TMEM156: variants seen among roughly 807,000 people sequenced by gnomAD.
The protein encoded by TMEM156 is transmembrane protein 156.
TMEM156 carries 28 observed loss-of-function variants against 30.5 expected under a neutral mutation model. The observed-to-expected ratio is 0.92, with a 90% confidence interval of 0.68 to 1.26. The LOEUF is 1.26. Among genes scored for constraint, TMEM156 ranks in the 50% most tolerant of loss-of-function variants. The pLI is 0.00. For missense variants in TMEM156, 351 were observed against 340.6 expected, an observed-to-expected ratio of 1.03 and a Z score of -0.24; for synonymous variants, 137 against 119.9, an observed-to-expected ratio of 1.14 and a Z score of -0.93.
At chr4:38,977,913 GCTT>G (rs1722950995) in intron 5 of TMEM156, among the ~76,000 whole-genome samples, 1 of 152,200 alleles carries the variant, frequency 6.6e-6, no homozygotes, top group Admixed American at 6.5e-5. Context: ...GCCCTCGGAT[GCTT>G]CTTCTTTTTC....
rs1416080510 is a variant in TMEM156 at position 38,993,689 on chromosome 4, T to C, written c.619+49A>G. On this transcript the variant is annotated intron_variant, in intron 3 of 6. Transcript: ENST00000381938. Reference sequence around the variant, plus strand: ...GTGATAGCCCTTACTTAATTTTACATATCTATATCGGATAACTCCTTTTCC... The same window carrying C: ...GTGATAGCCCTTACTTAATTTTACACATCTATATCGGATAACTCCTTTTCC... 2.0e-6 allele frequency: 3 copies of C among 1,536,416 alleles called. No homozygotes were observed. In the Admixed American group the frequency reaches 5.3e-5, roughly 27 times the overall value.
rs1375324637 is a variant in TMEM156 at position 39,032,285 on chromosome 4, A to G, written c.29T>C (p.Phe10Ser). Residue 10 changes from phenylalanine to serine, a missense_variant, in exon 1 of 7, where the codon TTT becomes TCT. By Grantham distance (155) the Phe-to-Ser change is radical. Coordinates refer to ENST00000381938, the MANE Select transcript of TMEM156 (RefSeq NM_024943.3). Reference protein sequence around the residue: MTKTALLKLFVAIVITFILI... With the variant: MTKTALLKLSVAIVITFILI... ...AATGAATGTGATCACTATTGCCACA[A>G]ATAATTTAAGGAGGGCTGTTTTTGT... 2 of 1,610,376 alleles carry G rather than the reference A, an allele frequency of 1.2e-6. No individual in the cohort carries two copies. The highest frequency in any genetic ancestry group is 1.1e-5 in the South Asian group (1 of 90,554).
intron 6 of TMEM156, among the ~76,000 whole-genome samples, chr4:38,969,436 C>T (rs1255409824): frequency 3.3e-5 from 5 of 152,098 alleles, no homozygotes; most frequent in African/African-American, 9.7e-5. Context: ...GCAAATATTT[C>T]ATTGTATATA....
intron 1 of TMEM156, among the ~76,000 whole-genome samples, chr4:39,005,992 T>G (rs1397572187): frequency 6.6e-6 from 1 of 152,016 alleles, no homozygotes; most frequent in Non-Finnish European, 1.5e-5. Flanking sequence ...GCCTCCCGGG[T>G]TCAAGCGATT....
At chr4:39,021,008 T>C (rs1382268698) in intron 1 of TMEM156, among the ~76,000 whole-genome samples, 1 of 152,234 alleles carries the variant, frequency 6.6e-6, no homozygotes, top group African/African-American at 2.4e-5. Context: ...TGTGAGATAA[T>C]ATTTCACTGT....
intron 1 of TMEM156, among the ~76,000 whole-genome samples, chr4:39,021,929 G>A (rs563198734): frequency 5.3e-5 from 8 of 152,086 alleles, no homozygotes; most frequent in South Asian, 2.1e-4. Flanking sequence ...TTCCAATATC[G>A]GAATTCTTTG....
rs143573449 is a variant in TMEM156 at position 39,021,213 on chromosome 4, G to A, written c.88+11013C>T. 1.6e-3 allele frequency among the ~76,000 whole-genome samples: 239 copies of A among 151,986 alleles called. 1 individual carries two copies. The highest frequency in any genetic ancestry group is 5.5e-3 in the African/African-American group (227 of 41,450). On this transcript the variant is annotated intron_variant, in intron 1 of 6. Coordinates refer to ENST00000381938, the MANE Select transcript of TMEM156 (RefSeq NM_024943.3). ...AGCCCAGGAGTTTGGGACCAGCCTGGGCAACATAGTGAGACCCCGTCTCTA... is the reference window on the plus strand; with the variant it reads ...AGCCCAGGAGTTTGGGACCAGCCTGAGCAACATAGTGAGACCCCGTCTCTA...
intron 5 of TMEM156, among the ~76,000 whole-genome samples, chr4:38,975,787 G>A (rs963502148): frequency 6.6e-6 from 1 of 152,130 alleles, no homozygotes; most frequent in Non-Finnish European, 1.5e-5. Flanking sequence ...CCTTGAGCGT[G>A]GGCAAGACCA....
intron 5 of TMEM156, among the ~76,000 whole-genome samples, chr4:38,982,061 A>C (rs1394899953): frequency 6.6e-6 from 1 of 152,234 alleles, no homozygotes; most frequent in Non-Finnish European, 1.5e-5. Flanking sequence ...GAGTTGGGAA[A>C]GGCAGACCTG....
intron 6 of TMEM156, among the ~76,000 whole-genome samples, chr4:38,968,496 A>G (rs995117062): frequency 6.6e-6 from 1 of 152,196 alleles, no homozygotes; most frequent in South Asian, 2.1e-4. Context: ...TGTTTTTGCC[A>G]ATGAGTAGGA....
chr4:38,968,854 C>T (rs903064592), intron 6 of TMEM156, among the ~76,000 whole-genome samples: 2 of 152,162 alleles, frequency 1.3e-5, no homozygotes, highest in East Asian at 3.9e-4. Flanking sequence ...GCCCTCCACT[C>T]GTTTCCACCC....
At chr4:38,999,456 CCTTAGATT>C (rs71648390) in intron 1 of TMEM156, among the ~76,000 whole-genome samples, 17,026 of 152,004 alleles carry the variant, frequency 0.11, 1,101 homozygotes, top group East Asian at 0.2. Context: ...TATGGACAAA[CCTTAGATT>C]CTTCTGAATC....
At chr4:39,026,185 G>C (rs1165908333) in intron 1 of TMEM156, among the ~76,000 whole-genome samples, 1 of 152,118 alleles carries the variant, frequency 6.6e-6, no homozygotes, top group East Asian at 1.9e-4. Context: ...AAAAGAAACA[G>C]AACAGTGTAA....
At position 38,970,146 on chromosome 4, in the gene TMEM156, TTG is replaced by T. The variant is rs71641397; in HGVS notation, c.*38+884_*38+885del. 6.4e-4 allele frequency among the ~76,000 whole-genome samples: 95 copies of T among 148,998 alleles called. 1 individual carries two copies. The highest frequency in any genetic ancestry group is 9.4e-4 in the Non-Finnish European group (63 of 67,056). On this transcript the variant is annotated intron_variant, in intron 6 of 6. Coordinates refer to ENST00000381938, the MANE Select transcript of TMEM156 (RefSeq NM_024943.3). The stretch of plus-strand genomic sequence containing the variant: ...CTCCTCACACACTGTGTGTGTGTGT[TTG>T]TGTGTGTGTGTGTGTGTGTATACAT...
At chr4:38,977,695 T>C (rs567689751) in intron 5 of TMEM156, among the ~76,000 whole-genome samples, 8 of 152,358 alleles carry the variant, frequency 5.3e-5, no homozygotes, top group African/African-American at 1.9e-4. Context: ...ATTTATCAAA[T>C]CTCTGAAACA....
At chr4:39,010,777 G>T (rs1714057860) in intron 1 of TMEM156, among the ~76,000 whole-genome samples, 3 of 152,126 alleles carry the variant, frequency 2.0e-5, no homozygotes, top group Non-Finnish European at 4.4e-5. Context: ...GTAGATTAAA[G>T]ATCTAAATGT....
In TMEM156 at chr4:39,006,534, G is replaced by A. The variant is rs985789194; in HGVS notation, c.89-7625C>T. ...TTCTAATTTGAGCTTTGTGTCTGAA[G>A]TCCTTCTTCCTTAAGGTTAAAAAGA... On this transcript the variant is annotated intron_variant, in intron 1 of 6. Transcript: ENST00000381938. 1.1e-3 allele frequency among the ~76,000 whole-genome samples: 162 copies of A among 151,994 alleles called. 16 individuals are homozygous for A. The highest frequency in any genetic ancestry group is 5.9e-5 in the Non-Finnish European group (4 of 68,010).
intron 5 of TMEM156, among the ~76,000 whole-genome samples, chr4:38,984,750 C>T (rs955431722): frequency 9.9e-5 from 15 of 152,232 alleles, no homozygotes; most frequent in Middle Eastern, 3.4e-3. Context: ...CTCTTTAAGA[C>T]GCTAAGCCTC....
intron 3 of TMEM156, among the ~76,000 whole-genome samples, chr4:38,990,041 C>T (rs899657056): frequency 1.3e-5 from 2 of 152,194 alleles, no homozygotes; most frequent in South Asian, 4.1e-4. Flanking sequence ...GCAATCCACC[C>T]GCCTCGGCCT....
Sources: gnomAD v4.1 joint callset for allele counts (sites outside exome capture counted in the v4.1 genomes callset) on GRCh38, gnomAD v4.1.1 for gene constraint, MANE v1.5 for transcripts, NCBI Gene and HGNC (gene_info 2026-07-23, HGNC 2026-07-21) for gene names.